The following MEGF11 variants were observed in gnomAD, a reference collection of about 807,000 sequenced individuals.
MEGF11 encodes multiple epidermal growth factor-like domains protein 11.
MEGF11 carries 126 observed loss-of-function variants against 146.6 expected under a neutral mutation model. The ratio of observed to expected loss-of-function variants is 0.86; its 90% CI spans 0.74 to 1.00. The LOEUF is 1.00. MEGF11 is among the 50% of genes least tolerant of loss of function. MEGF11 has a pLI of 0.00. For synonymous variants in MEGF11, 532 were observed against 583.4 expected (o/e 0.91, Z 1.27); for missense variants, 1,509 against 1,521.2 (o/e 0.99, Z 0.13).
At chr15:66,220,209 C>T in intron 1 of MEGF11, among the ~76,000 whole-genome samples, 1 of 152,106 alleles carries the variant, frequency 6.6e-6, no homozygotes, top group Non-Finnish European at 1.5e-5. Context: ...ACCTCTAGAA[C>T]TGTGGGAAAA....
chr15:66,177,260 G>T (rs1487180191), intron 1 of MEGF11, among the ~76,000 whole-genome samples: 1 of 152,210 alleles, frequency 6.6e-6, no homozygotes, highest in East Asian at 1.9e-4. Flanking sequence ...CAGGGATGGG[G>T]TGGGGTAGTG....
chr15:66,123,269 C>T (rs144020115), intron 3 of MEGF11, among the ~76,000 whole-genome samples: 1 of 152,332 alleles, frequency 6.6e-6, no homozygotes, highest in Non-Finnish European at 1.5e-5. Context: ...ATGTTGAGCA[C>T]TGCTAAGGAA....
rs138699928 is a variant in MEGF11, at chr15:65,929,777, G to T, written c.1515C>A (p.Asp505Glu). 1.3e-6 allele frequency: 2 copies of T among 1,558,140 alleles called. No individual in the cohort carries two copies. Among genetic ancestry groups the T allele is most frequent in the East Asian group, 2.4e-5 (1 of 41,304 alleles). Residue 505 changes from aspartate (D) to glutamate (E), a missense_variant, in exon 12 of 26, where the codon GAC (aspartate) becomes GAA (glutamate). Physicochemically the swap from Asp to Glu is conservative, Grantham distance 45. Transcript: ENST00000395614. Reference protein sequence around the residue: ...CANGAACSPIDGSCSCTPGWL... With the variant: ...CANGAACSPIEGSCSCTPGWL... ...AGCCAGGAGTGCAGGAGCAGGAGCC[G>T]TCTATGGGGCTGCAGGCTGCCCCAT...
chr15:66,145,716 C>T (rs2089346798), intron 1 of MEGF11, among the ~76,000 whole-genome samples: 1 of 152,188 alleles, frequency 6.6e-6, no homozygotes, highest in Non-Finnish European at 1.5e-5. Flanking sequence ...GTGAGGGAGG[C>T]ATCTGGCTCC....
At chr15:65,962,763 A>G (rs1209197026) in intron 9 of MEGF11, among the ~76,000 whole-genome samples, 1 of 152,168 alleles carries the variant, frequency 6.6e-6, no homozygotes, top group Non-Finnish European at 1.5e-5. Context: ...GGGATGGACA[A>G]GCCAGGCTGC....
intron 1 of MEGF11, among the ~76,000 whole-genome samples, chr15:66,203,938 A>G (rs542462032): frequency 1.3e-5 from 2 of 152,244 alleles, no homozygotes; most frequent in African/African-American, 4.8e-5. Context: ...TCTTGATATA[A>G]TTTATTTTAA....
chr15:66,030,687 G>A (rs879782551), intron 5 of MEGF11, among the ~76,000 whole-genome samples: 24 of 152,130 alleles, frequency 1.6e-4, no homozygotes, highest in South Asian at 2.1e-4. Flanking sequence ...TGAGATTACA[G>A]GTGTGAGCCA....
At chr15:66,185,162 G>T (rs2090661140) in intron 1 of MEGF11, among the ~76,000 whole-genome samples, 1 of 152,088 alleles carries the variant, frequency 6.6e-6, no homozygotes, top group Non-Finnish European at 1.5e-5. Context: ...TCATCCCTTA[G>T]CAATGACATC....
In MEGF11 at chr15:66,247,295, G is replaced by A. The variant is rs527764684; in HGVS notation, c.-9+6310C>T. On this transcript the variant is annotated intron_variant, in intron 1 of 25. Transcript: ENST00000395614. ...TCCTCACATGTCCCCTGCATTAGAT[G>A]ATTATAAATTCTTTGATTCAGAGAT... Among the ~76,000 whole-genome samples, 32 of 152,254 alleles carry A rather than the reference G, an allele frequency of 2.1e-4. 1 individual carries two copies. The South Asian group carries it at 6.4e-3, about 31-fold the overall frequency.
At chr15:66,032,035 C>A (rs575445862) in intron 5 of MEGF11, among the ~76,000 whole-genome samples, 19 of 152,196 alleles carry the variant, frequency 1.2e-4, no homozygotes, top group Admixed American at 5.9e-4. Flanking sequence ...ACTGTGCCTG[C>A]GAGGGATCTA....
chr15:66,192,999 A>G (rs77658335), intron 1 of MEGF11, among the ~76,000 whole-genome samples: 3,467 of 152,320 alleles, frequency 0.023, 121 homozygotes, highest in African/African-American at 0.079. Flanking sequence ...AATCTTCCCT[A>G]AATTGGGAAA....
At chr15:65,973,196 GGTAAAAGGAATCCCAGGATAGCA>G (rs371910112) in intron 7 of MEGF11, among the ~76,000 whole-genome samples, 7,186 of 152,034 alleles carry the variant, frequency 0.047, 267 homozygotes, top group Non-Finnish European at 0.069. Context: ...AGAAGACAGA[GGTAAAAGGAATCCCAGGATAGCA>G]GTGAAAGGAA....
At chr15:66,030,275 A>G (rs539389333) in intron 5 of MEGF11, among the ~76,000 whole-genome samples, 8 of 152,354 alleles carry the variant, frequency 5.3e-5, no homozygotes, top group African/African-American at 1.9e-4. Flanking sequence ...CCCAGTGCAT[A>G]TATATCAGAA....
chr15:66,023,426 C>T (rs1163716109), intron 5 of MEGF11, among the ~76,000 whole-genome samples: 1 of 152,160 alleles, frequency 6.6e-6, no homozygotes, highest in African/African-American at 2.4e-5. Context: ...AACCATGTGC[C>T]CAGGCCACAT....
chr15:65,956,411 A>G (rs2080640417), intron 10 of MEGF11, among the ~76,000 whole-genome samples: 1 of 152,220 alleles, frequency 6.6e-6, no homozygotes, highest in African/African-American at 2.4e-5. Flanking sequence ...TATATATCCC[A>G]TCTTGACACC....
At chr15:65,958,104 C>T (rs886743837) in intron 9 of MEGF11, among the ~76,000 whole-genome samples, 1 of 152,252 alleles carries the variant, frequency 6.6e-6, no homozygotes, top group African/African-American at 2.4e-5. Flanking sequence ...ATCCATCCCT[C>T]ACCTAAGGTG....
chr15:66,149,467 A>G (rs2089485611), intron 1 of MEGF11, among the ~76,000 whole-genome samples: 2 of 152,116 alleles, frequency 1.3e-5, no homozygotes, highest in Non-Finnish European at 2.9e-5. Flanking sequence ...GGGAAGAGGT[A>G]TTTCTAACTA....
chr15:65,917,651 G>A (rs1380826840), intron 16 of MEGF11, among the ~76,000 whole-genome samples: 3 of 152,192 alleles, frequency 2.0e-5, no homozygotes, highest in Admixed American at 6.5e-5. Context: ...CGAGCATGCT[G>A]TTGCACCACC....
Position 65,915,484 on chromosome 15 carries a change from A to T in MEGF11, c.2459T>A (p.Ile820Asn). Residue 820 changes from isoleucine to asparagine, a missense_variant, in exon 19 of 26, where the codon ATC (isoleucine) becomes AAC (asparagine). Transcript: ENST00000395614. ...TCYCSPGFKG[I>N]RCDQAALMME... Reference sequence around the variant, plus strand: ...GTGTGTATTACCTTGGTCACACCTGATTCCTTTGAAGCCAGGGCTGCAGTA... The same window carrying T: ...GTGTGTATTACCTTGGTCACACCTGTTTCCTTTGAAGCCAGGGCTGCAGTA... 2 of 1,613,874 alleles carry T rather than the reference A, an allele frequency of 1.2e-6. No individual in the cohort carries two copies. Among genetic ancestry groups the T allele is most frequent in the Non-Finnish European group, 1.7e-6 (2 of 1,179,876 alleles).
Sources: allele counts gnomAD v4.1 joint callset (sites outside exome capture counted in the v4.1 genomes callset), GRCh38; gene constraint gnomAD v4.1.1; transcripts MANE v1.5; gene names NCBI Gene and HGNC (gene_info 2026-07-23, HGNC 2026-07-21).